The following PPP3CA variants were observed in gnomAD, a reference collection of about 807,000 sequenced individuals.
The protein encoded by PPP3CA is CAM-PRP catalytic subunit.
Under a neutral mutation model 66.5 loss-of-function variants are expected in PPP3CA, and 14 were observed. The observed-to-expected ratio is 0.21, with a 90% CI of 0.14 to 0.33. PPP3CA has a LOEUF of 0.33. Ranked by LOEUF, PPP3CA falls within the 10% of genes least tolerant of loss-of-function variation. PPP3CA has a pLI of 1.00. For synonymous variants in PPP3CA, 232 were observed against 226.2 expected (o/e 1.03, Z -0.23); for missense variants, 317 against 639.5 (o/e 0.50, Z 5.44).
At chr4:101,300,808 T>C (rs1358516529) in intron 1 of PPP3CA, among the ~76,000 whole-genome samples, 6 of 152,226 alleles carry the variant, frequency 3.9e-5, no homozygotes, top group East Asian at 1.9e-4. Flanking sequence ...ATATTTCATA[T>C]AGTAGTCCTA....
chr4:101,222,911 C>A (rs1047520912), intron 1 of PPP3CA, among the ~76,000 whole-genome samples: 3 of 151,780 alleles, frequency 2.0e-5, no homozygotes, highest in Non-Finnish European at 4.4e-5. Flanking sequence ...ATTTAATTAT[C>A]CATGCCAATC....
intron 2 of PPP3CA, among the ~76,000 whole-genome samples, chr4:101,163,322 T>C (rs1256048415): frequency 6.6e-6 from 1 of 152,150 alleles, no homozygotes; most frequent in African/African-American, 2.4e-5. Context: ...CTCTTTTCAG[T>C]GTGAAATATC....
intron 6 of PPP3CA, among the ~76,000 whole-genome samples, chr4:101,090,900 C>A (rs1258927581): frequency 1.0e-5 from 1 of 98,914 alleles, no homozygotes; most frequent in African/African-American, 5.5e-5. Flanking sequence ...ACACACATAT[C>A]TGTGTCTATA....
At chr4:101,144,910 A>G (rs1417364758) in intron 2 of PPP3CA, among the ~76,000 whole-genome samples, 2 of 152,204 alleles carry the variant, frequency 1.3e-5, no homozygotes, top group African/African-American at 2.4e-5. Flanking sequence ...TTATTTGATC[A>G]CTAATCAAGC....
chr4:101,218,166 G>T (rs1725512329), intron 1 of PPP3CA, among the ~76,000 whole-genome samples: 1 of 151,998 alleles, frequency 6.6e-6, no homozygotes, highest in Admixed American at 6.6e-5. Flanking sequence ...TGAGTGTGAA[G>T]GGAAAGCTGA....
intron 2 of PPP3CA, among the ~76,000 whole-genome samples, chr4:101,150,278 T>A (rs1239095105): frequency 6.6e-6 from 1 of 152,232 alleles, no homozygotes; most frequent in East Asian, 1.9e-4. Flanking sequence ...TGTCTGATGA[T>A]TCTTCCAAAT....
chr4:101,231,603 CT>C (rs957134221), intron 1 of PPP3CA, among the ~76,000 whole-genome samples: 6 of 151,594 alleles, frequency 4.0e-5, no homozygotes, highest in African/African-American at 1.5e-4. Context: ...CATATAAATG[CT>C]TAAGGCAAAT....
rs191099959 is a variant in PPP3CA, at chr4:101,152,821, A to G, written c.259+43095T>C. ...AGAAAGATCACAGATAACATAGGCC[A>G]CTGAATGTGTGATTAAAAGTAAATC... On this transcript the variant is annotated intron_variant, in intron 2 of 13. Coordinates refer to ENST00000394854, the MANE Select transcript of PPP3CA (RefSeq NM_000944.5). Among the ~76,000 whole-genome samples, 220 of 152,336 alleles carry G rather than the reference A, an allele frequency of 1.4e-3. 1 individual carries two copies. Among genetic ancestry groups the G allele is most frequent in the Non-Finnish European group, 2.6e-3 (174 of 68,034 alleles).
chr4:101,191,935 A>G (rs1236599996), intron 2 of PPP3CA, among the ~76,000 whole-genome samples: 1 of 152,162 alleles, frequency 6.6e-6, no homozygotes, highest in Non-Finnish European at 1.5e-5. Context: ...CAAACCAGAG[A>G]GATTAGCAGT....
At chr4:101,072,209 A>T (rs1728946364) in intron 8 of PPP3CA, among the ~76,000 whole-genome samples, 1 of 152,258 alleles carries the variant, frequency 6.6e-6, no homozygotes, top group Non-Finnish European at 1.5e-5. Flanking sequence ...TTGGATGCAT[A>T]ACACTCAGGT....
intron 2 of PPP3CA, among the ~76,000 whole-genome samples, chr4:101,140,933 T>C (rs145866250): frequency 6.6e-6 from 1 of 152,346 alleles, no homozygotes; most frequent in Non-Finnish European, 1.5e-5. Flanking sequence ...AAATTATCTA[T>C]GAGATACTTT....
intron 1 of PPP3CA, among the ~76,000 whole-genome samples, chr4:101,203,196 A>T (rs768132986): frequency 6.6e-6 from 1 of 152,230 alleles, no homozygotes; most frequent in African/African-American, 2.4e-5. Flanking sequence ...GATCAGACTA[A>T]TTAAATGAAT....
At chr4:101,084,404 G>A (rs113565359) in intron 6 of PPP3CA, among the ~76,000 whole-genome samples, 3,535 of 152,218 alleles carry the variant, frequency 0.023, 63 homozygotes, top group Middle Eastern at 0.088. Flanking sequence ...ACTTTGGGAG[G>A]CAGAGGCGGG....
At chr4:101,247,839 TA>T (rs2110240761) in intron 1 of PPP3CA, among the ~76,000 whole-genome samples, 2 of 152,274 alleles carry the variant, frequency 1.3e-5, no homozygotes, top group Non-Finnish European at 2.9e-5. Flanking sequence ...TGAGTGCTAC[TA>T]TATATATGCC....
Position 101,133,456 on chromosome 4 carries a change from T to C in PPP3CA, c.260-24378A>G, listed in dbSNP as rs545381210. On this transcript the variant is annotated intron_variant, in intron 2 of 13. Coordinates refer to ENST00000394854, the MANE Select transcript of PPP3CA (RefSeq NM_000944.5). ...CACATGTTTTCCTATACACCAATAA[T>C]AGACAGAGAAATAAATCATGAGCAA... Among the ~76,000 whole-genome samples, 14 of 151,458 alleles carry C rather than the reference T, an allele frequency of 9.2e-5. No individual in the cohort carries two copies. In the South Asian group the frequency reaches 1.7e-3, roughly 18 times the overall value.
At chr4:101,249,199 T>G (rs922978318) in intron 1 of PPP3CA, among the ~76,000 whole-genome samples, 15 of 151,854 alleles carry the variant, frequency 9.9e-5, no homozygotes, top group Non-Finnish European at 1.8e-4. Flanking sequence ...AAATTACTGC[T>G]TTTGGGGATT....
At chr4:101,227,091 C>T (rs751748772) in intron 1 of PPP3CA, among the ~76,000 whole-genome samples, 2 of 149,040 alleles carry the variant, frequency 1.3e-5, no homozygotes, top group African/African-American at 4.9e-5. Flanking sequence ...ATGTCTATAG[C>T]GTAATGGTAG....
chr4:101,249,415 T>C (rs1317162484), intron 1 of PPP3CA, among the ~76,000 whole-genome samples: 1 of 152,080 alleles, frequency 6.6e-6, no homozygotes, highest in Admixed American at 6.6e-5. Context: ...CATTAAAAAA[T>C]ACAATAAATT....
intron 1 of PPP3CA, among the ~76,000 whole-genome samples, chr4:101,220,445 A>T (rs1003900140): frequency 3.3e-5 from 5 of 151,718 alleles, no homozygotes; most frequent in African/African-American, 7.2e-5. Flanking sequence ...AATGTCTCTC[A>T]AATAACAGTA....
Sources: allele counts gnomAD v4.1 joint callset (sites outside exome capture counted in the v4.1 genomes callset), GRCh38; gene constraint gnomAD v4.1.1; transcripts MANE v1.5; gene names NCBI Gene and HGNC (gene_info 2026-07-23, HGNC 2026-07-21).